CECR2: variants seen among roughly 807,000 people sequenced by gnomAD.
CECR2 encodes the protein CECR2 histone acetyl-lysine reader, also known as chromatin remodeling regulator CECR2.
In CECR2, 30 loss-of-function variants were observed where a neutral mutation model predicts 154.5. That is an observed-to-expected ratio of 0.19 (90% CI 0.15 to 0.26). The LOEUF is 0.26. CECR2 is among the 10% of genes least tolerant of loss of function. The probability of loss-of-function intolerance (pLI) is 1.00; values close to 1 mark genes in which losing one functional copy is unlikely to be tolerated. For synonymous variants in CECR2, 725 were observed against 683.7 expected (o/e 1.06, Z -0.94); for missense variants, 1,743 against 1,829.3 (o/e 0.95, Z 0.86).
At chr22:17,489,415 G>A (rs986721356) in intron 2 of CECR2, among the ~76,000 whole-genome samples, 21 of 152,088 alleles carry the variant, frequency 1.4e-4, no homozygotes, top group African/African-American at 5.1e-4. Context: ...TTGGCCAAGT[G>A]TTTTACTTAT....
intron 1 of CECR2, among the ~76,000 whole-genome samples, chr22:17,396,358 A>G (rs1446044793): frequency 1.3e-5 from 2 of 152,152 alleles, no homozygotes; most frequent in African/African-American, 4.8e-5. Context: ...CAGCCTGGCC[A>G]ATGTGGCAAA....
intron 1 of CECR2, among the ~76,000 whole-genome samples, chr22:17,465,172 AT>A (rs1164984567): frequency 7.3e-5 from 11 of 150,770 alleles, no homozygotes; most frequent in Non-Finnish European, 1.2e-4. Context: ...AAGTTTTTGT[AT>A]TTTTAGTAAA....
chr22:17,500,617 A>G lies in CECR2; in HGVS notation c.546-14A>G. On this transcript the variant is annotated splice_polypyrimidine_tract_variant and intron_variant, in intron 4 of 18. Transcript: ENST00000262608. ...TCCTGTGCCAGAACATTTCTATTTA[A>G]TATTATTTATTAGGGAAAGTGAAGG... The G allele has an allele frequency of 6.7e-7, 1 of 1,496,628 alleles. No individual in the cohort carries two copies. Among genetic ancestry groups the G allele is most frequent in the South Asian group, 1.2e-5 (1 of 80,320 alleles). The allele number at this position is 1,496,628 out of a possible 1,614,324, so 92.7% of individuals were successfully genotyped here.
At position 17,558,093 on chromosome 22, in the gene CECR2, G is replaced by A. The variant is rs2056794557; in HGVS notation, c.*5253G>A. The stretch of plus-strand genomic sequence containing the variant: ...AAAGCTTTTTGATCCTTGGAGGTCT[G>A]TAGATTTATTTCCATATGAACTGGT... On this transcript the variant is annotated 3_prime_UTR_variant, in exon 19 of 19. Coordinates refer to ENST00000262608, the MANE Select transcript of CECR2 (RefSeq NM_001290047.2). 3 of 152,220 alleles carry A rather than the reference G, an allele frequency of 2.0e-5. No individual in the cohort carries two copies. The highest frequency in any genetic ancestry group is 4.4e-5 in the Non-Finnish European group (3 of 68,050). 9.4% of individuals were successfully genotyped at this position (152,220 alleles called of 1,614,324 possible).
In CECR2 at chr22:17,552,960, C is replaced by CAGTGGGT; in HGVS notation, c.*120_*121insAGTGGGT. ...ACCTGCTCCACCCCTTCACGGCGACCCACTCGTGCCATACTTGAGCTGGAG... is the reference window on the plus strand; with the variant it reads ...ACCTGCTCCACCCCTTCACGGCGACCAGTGGGTCACTCGTGCCATACTTGAGCTGGAG... On this transcript the variant is annotated 3_prime_UTR_variant, in exon 19 of 19. Transcript: ENST00000262608. The CAGTGGGT allele has an allele frequency of 6.7e-7, 1 of 1,501,220 alleles. No homozygotes were observed. The highest frequency in any genetic ancestry group is 8.9e-7 in the Non-Finnish European group (1 of 1,127,702). The allele number at this position is 1,501,220 out of a possible 1,614,324, so 93.0% of individuals were successfully genotyped here.
At chr22:17,478,805 A>G (rs948868707) in intron 2 of CECR2, among the ~76,000 whole-genome samples, 1 of 152,128 alleles carries the variant, frequency 6.6e-6, no homozygotes, top group Non-Finnish European at 1.5e-5. Context: ...TCTAGGGGAG[A>G]GTTATTGCTC....
intron 1 of CECR2, among the ~76,000 whole-genome samples, chr22:17,443,989 T>C (rs575075470): frequency 6.6e-6 from 1 of 152,258 alleles, no homozygotes; most frequent in Admixed American, 6.5e-5. Flanking sequence ...CCTTTTTTGG[T>C]CCACTAAAAC....
In CECR2 at chr22:17,540,614, ACAG is replaced by A. The variant is rs1402608981; in HGVS notation, c.1703_1705del (p.Gln568del). On this transcript the variant is annotated inframe_deletion, in exon 14 of 19. Transcript: ENST00000262608. ...GGGACCCAGAAGGGTCCAGCAGGAA[ACAG>A]CAGCCCATGGAGAATGGAGGAAAGT... 3 of 1,613,686 alleles carry A rather than the reference ACAG, an allele frequency of 1.9e-6. No individual in the cohort carries two copies. In the African/African-American group the frequency reaches 4.0e-5, roughly 22 times the overall value.
intron 2 of CECR2, 148 bp from the exon 3 acceptor site, chr22:17,497,255 G>T: frequency 1.3e-6 from 1 of 746,202 alleles, no homozygotes. Flanking sequence ...TTGCCACTGT[G>T]CTCTAGCCTG....
chr22:17,540,906 A>G (rs2056513845), intron 14 of CECR2, 106 bp downstream of exon 14: 1 of 1,232,250 alleles, frequency 8.1e-7, no homozygotes, highest in East Asian at 2.7e-5. Flanking sequence ...ACGTGTATGT[A>G]TGGAATCTTT....
At chr22:17,444,686 G>C (rs1035492404) in intron 1 of CECR2, among the ~76,000 whole-genome samples, 18 of 152,020 alleles carry the variant, frequency 1.2e-4, no homozygotes, top group Non-Finnish European at 2.9e-5. Flanking sequence ...ATGAGAAATT[G>C]CAATAGCGTC....
At chr22:17,453,310 C>T (rs1302518178) in intron 1 of CECR2, among the ~76,000 whole-genome samples, 2 of 152,004 alleles carry the variant, frequency 1.3e-5, no homozygotes, top group Admixed American at 6.6e-5. Flanking sequence ...GACACGGTGG[C>T]GTATGCCTGT....
intron 1 of CECR2, among the ~76,000 whole-genome samples, chr22:17,380,410 T>C (rs2063173360): frequency 6.6e-6 from 1 of 152,204 alleles, no homozygotes; most frequent in African/African-American, 2.4e-5. Context: ...CAAAAGACAT[T>C]GGCCGGTTTA....
chr22:17,520,079 G>A (rs372342267), intron 8 of CECR2, among the ~76,000 whole-genome samples: 27 of 152,130 alleles, frequency 1.8e-4, no homozygotes, highest in Non-Finnish European at 4.0e-4. Context: ...GTGAGCCACC[G>A]TGCCTGGCCA....
intron 3 of CECR2, among the ~76,000 whole-genome samples, chr22:17,498,268 G>A (rs1411431294): frequency 6.6e-6 from 1 of 152,130 alleles, no homozygotes; most frequent in East Asian, 1.9e-4. Flanking sequence ...GCAGGCGCCT[G>A]TAGTCCCAGC....
chr22:17,362,557 T>C (rs540037918), intron 1 of CECR2, among the ~76,000 whole-genome samples: 1 of 152,134 alleles, frequency 6.6e-6, no homozygotes, highest in East Asian at 1.9e-4. Context: ...TTCATTTTTT[T>C]TGTGTGTGTT....
chr22:17,405,639 CAAAAAAAAA>C lies in CECR2; in HGVS notation c.126+35749_126+35757del, dbSNP rs58874516. ...TGGGCAAAAGAGTGAGACTCCATCT[CAAAAAAAAA>C]AAAAAAAAAAAAAAAAAATTTTCAA... On this transcript the variant is annotated intron_variant, in intron 1 of 18. Transcript: ENST00000262608. Among the ~76,000 whole-genome samples the C allele has an allele frequency of 9.7e-5, 7 of 72,336 alleles. No individual in the cohort carries two copies. The South Asian group carries it at 2.2e-3, about 22-fold the overall frequency. The allele number at this position is 72,336 out of a possible 152,430, so 47.5% of individuals were successfully genotyped here. A position where few individuals can be genotyped will look rare whatever the true frequency, so the allele number is the denominator to read the frequency against.
intron 2 of CECR2, among the ~76,000 whole-genome samples, chr22:17,479,512 A>G (rs1304324181): frequency 6.6e-6 from 1 of 152,212 alleles, no homozygotes; most frequent in African/African-American, 2.4e-5. Context: ...TAAGAAAGTG[A>G]CTTGTGAACT....
intron 1 of CECR2, among the ~76,000 whole-genome samples, chr22:17,428,826 G>GTGTGTGTGTGTGTGTATATA (rs369291932): frequency 4.8e-4 from 73 of 150,708 alleles, no homozygotes; most frequent in African/African-American, 1.7e-3. Flanking sequence ...GTGTGTGTGT[G>GTGTGTGTGTGTGTGTATATA]TATATAAAGG....
Sources: allele counts gnomAD v4.1 joint callset (sites outside exome capture counted in the v4.1 genomes callset), GRCh38; gene constraint gnomAD v4.1.1; transcripts MANE v1.5; gene names NCBI Gene and HGNC (gene_info 2026-07-23, HGNC 2026-07-21).